PAH: variants seen among roughly 807,000 people sequenced by gnomAD.
PAH encodes phenylalanine-4-hydroxylase.
A neutral mutation model predicts 62.0 loss-of-function variants in PAH; 64 were observed. The observed-to-expected ratio is 1.03, with a 90% CI of 0.84 to 1.27. PAH has a LOEUF of 1.27. Among genes scored for constraint, PAH ranks in the 50% most tolerant of loss-of-function variants. The probability of loss-of-function intolerance (pLI) is 0.00; values close to 1 mark genes in which losing one functional copy is unlikely to be tolerated. For synonymous variants in PAH, 195 were observed against 196.2 expected, an observed-to-expected ratio of 0.99 and a Z score of 0.05; for missense variants, 579 against 542.8, an observed-to-expected ratio of 1.07 and a Z score of -0.66.
At chr12:102,873,474 G>A (rs761338798) in intron 4 of PAH, among the ~76,000 whole-genome samples, 1 of 152,210 alleles carries the variant, frequency 6.6e-6, no homozygotes, top group African/African-American at 2.4e-5. Context: ...CATTGGAAGT[G>A]AACTTTTATT....
At chr12:102,896,904 T>C (rs79451702) in intron 2 of PAH, among the ~76,000 whole-genome samples, 3,602 of 152,276 alleles carry the variant, frequency 0.024, 131 homozygotes, top group African/African-American at 0.08. Context: ...GCTTTTACAT[T>C]AGCCATTCGT....
chr12:102,876,131 A>G (rs1029473153), intron 4 of PAH, among the ~76,000 whole-genome samples: 1 of 152,130 alleles, frequency 6.6e-6, no homozygotes, highest in Non-Finnish European at 1.5e-5. Context: ...TGAAAAATGC[A>G]GAACTGTCCA....
At chr12:102,949,138 A>G (rs551254954) in intron 1 of PAH, among the ~76,000 whole-genome samples, 1 of 152,248 alleles carries the variant, frequency 6.6e-6, no homozygotes, top group East Asian at 1.9e-4. Context: ...TTCCCAAGCA[A>G]TGCTGTCGGC....
At chr12:102,874,208 A>G (rs1876472460) in intron 4 of PAH, among the ~76,000 whole-genome samples, 1 of 152,234 alleles carries the variant, frequency 6.6e-6, no homozygotes, top group South Asian at 2.1e-4. Flanking sequence ...GTGGGTTGGC[A>G]AGAAAAAACA....
chr12:102,948,823 C>T (rs1184672417), intron 1 of PAH, among the ~76,000 whole-genome samples: 1 of 152,154 alleles, frequency 6.6e-6, no homozygotes, highest in Non-Finnish European at 1.5e-5. Context: ...TTTGGTGGGT[C>T]TGGGATAAAG....
In PAH at chr12:102,844,417, A is replaced by C; in HGVS notation, c.984T>G (p.Thr328=). The C allele has an allele frequency of 6.2e-7, 1 of 1,611,930 alleles. No homozygotes were observed. Among genetic ancestry groups the C allele is most frequent in the Middle Eastern group, 1.7e-4 (1 of 6,058 alleles). The change falls in exon 10 of 13, where the codon ACT becomes ACG. Residue 328 remains threonine (T), a synonymous_variant. Coordinates refer to ENST00000553106, the MANE Select transcript of PAH (RefSeq NM_000277.3). ...CTTGTTTGCAGAGCCCAAACTCCAC[A>C]GTAAACCAGTAAATCTGGAATGGAA... ...IEKLATIYWF[T]VEFGLCKQGD...
intron 2 of PAH, among the ~76,000 whole-genome samples, chr12:102,903,371 A>AAAC (rs1555208704): frequency 4.2e-4 from 56 of 132,642 alleles, no homozygotes; most frequent in African/African-American, 1.7e-3. Context: ...AAAAAAAAAA[A>AAAC]ACACACACAC....
chr12:102,906,697 G>T (rs570254147), intron 2 of PAH, among the ~76,000 whole-genome samples: 2 of 151,516 alleles, frequency 1.3e-5, no homozygotes, highest in South Asian at 4.2e-4. Context: ...TAGATCACAT[G>T]CATTAAGTGA....
chr12:102,884,065 G>A (rs1365461784), intron 3 of PAH, among the ~76,000 whole-genome samples: 1 of 152,186 alleles, frequency 6.6e-6, no homozygotes, highest in Non-Finnish European at 1.5e-5. Context: ...GAGAAGCTCT[G>A]GTGCTCACTT....
At chr12:102,866,526 T>C (rs552485606) in intron 5 of PAH, 70 bp downstream of exon 5, 87 of 1,204,674 alleles carry the variant, frequency 7.2e-5, no homozygotes, top group South Asian at 4.5e-4. Context: ...CTCAACTGGA[T>C]GAGGGCAAGG....
intron 3 of PAH, among the ~76,000 whole-genome samples, chr12:102,891,296 G>C (rs548105295): frequency 5.3e-5 from 8 of 151,966 alleles, no homozygotes; most frequent in African/African-American, 1.9e-4. Context: ...ACTGTGCCCG[G>C]CACAGAGCTG....
At position 102,877,445 on chromosome 12, in the gene PAH, A is replaced by G; in HGVS notation, c.441+17T>C. The G allele has an allele frequency of 1.9e-6, 3 of 1,596,340 alleles. No homozygotes were observed. The highest frequency in any genetic ancestry group is 2.6e-6 in the Non-Finnish European group (3 of 1,163,808). On this transcript the variant is annotated intron_variant, in intron 4 of 12. Transcript: ENST00000553106. ...AGAGGCACTGAAAAAATCTCATCCTACGGGCCATGGACTCACAGGGTGGTC... is the reference window on the plus strand; with the variant it reads ...AGAGGCACTGAAAAAATCTCATCCTGCGGGCCATGGACTCACAGGGTGGTC...
chr12:102,955,092 C>G (rs113254229), upstream of PAH, among the ~76,000 whole-genome samples: 3 of 152,222 alleles, frequency 2.0e-5, no homozygotes, highest in African/African-American at 7.2e-5. Context: ...CAACGACTGT[C>G]CTTCCTCCTG....
At chr12:102,904,661 T>G (rs1359854723) in intron 2 of PAH, 3 of 407,674 alleles carry the variant, frequency 7.4e-6, no homozygotes, top group African/African-American at 6.2e-5. Context: ...TTATTTCATT[T>G]GTTTTGCCAC....
chr12:102,948,794 C>A (rs1326474035), intron 1 of PAH, among the ~76,000 whole-genome samples: 2 of 152,120 alleles, frequency 1.3e-5, no homozygotes, highest in South Asian at 2.1e-4. Flanking sequence ...GCTAAAAGAG[C>A]CAATTTGCCA....
intron 1 of PAH, among the ~76,000 whole-genome samples, chr12:102,940,611 A>T (rs1191059786): frequency 1.3e-5 from 2 of 152,258 alleles, no homozygotes; most frequent in African/African-American, 2.4e-5. Context: ...GTTCAGTGCG[A>T]CAAAAATAAG....
upstream of PAH, among the ~76,000 whole-genome samples, chr12:102,954,719 C>T (rs148262875): frequency 1.9e-3 from 290 of 152,290 alleles, no homozygotes; most frequent in African/African-American, 6.5e-3. Flanking sequence ...AGGCAGGATT[C>T]TAATTTTGGC....
intron 8 of PAH, among the ~76,000 whole-genome samples, chr12:102,848,387 T>G (rs1210055485): frequency 6.7e-6 from 1 of 148,510 alleles, no homozygotes; most frequent in Non-Finnish European, 1.5e-5. Flanking sequence ...ACCAGGACAC[T>G]AGAAAGGCTG....
intron 5 of PAH, among the ~76,000 whole-genome samples, chr12:102,865,439 T>C (rs566777222): frequency 2.6e-5 from 4 of 152,134 alleles, no homozygotes; most frequent in Non-Finnish European, 4.4e-5. Flanking sequence ...ATCAGAAAAA[T>C]GAGAAGTTAT....
Sources: gnomAD v4.1 joint callset for allele counts (sites outside exome capture counted in the v4.1 genomes callset) on GRCh38, gnomAD v4.1.1 for gene constraint, MANE v1.5 for transcripts, NCBI Gene and HGNC (gene_info 2026-07-23, HGNC 2026-07-21) for gene names.